The following OR9Q1 variants were observed in gnomAD, a reference collection of about 807,000 sequenced individuals.
The protein encoded by OR9Q1 is olfactory receptor family 9 subfamily Q member 1, also known as olfactory receptor 9Q1.
For missense variants in OR9Q1, 374 were observed against 378.8 expected, an observed-to-expected ratio of 0.99 and a Z score of 0.11; for synonymous variants, 153 against 148.6, an observed-to-expected ratio of 1.03 and a Z score of -0.22.
chr11:58,064,899 T>A (rs548391032), intron 2 of OR9Q1, among the ~76,000 whole-genome samples: 150 of 151,958 alleles, frequency 9.9e-4, no homozygotes, highest in Admixed American at 3.7e-3. Flanking sequence ...GGGAGAATTC[T>A]AGAGATTTAG....
intron 1 of OR9Q1, among the ~76,000 whole-genome samples, chr11:58,033,282 T>C (rs942916430): frequency 1.3e-5 from 2 of 151,746 alleles, no homozygotes; most frequent in African/African-American, 2.4e-5. Context: ...ATAATCGTTC[T>C]ATCAAAATGA....
intron 2 of OR9Q1, chr11:58,117,435 T>C (rs936789929): frequency 6.6e-6 from 1 of 152,162 alleles, no homozygotes; most frequent in Admixed American, 6.5e-5. Flanking sequence ...TTAAACTATG[T>C]TTTTCCCATT....
intron 2 of OR9Q1, among the ~76,000 whole-genome samples, chr11:58,170,089 G>T (rs1271153350): frequency 6.6e-6 from 1 of 152,048 alleles, no homozygotes; most frequent in Non-Finnish European, 1.5e-5. Context: ...ATGTTGCTTT[G>T]CTGCCATGGT....
chr11:58,070,973 T>A (rs1318677843), intron 2 of OR9Q1, among the ~76,000 whole-genome samples: 1 of 152,210 alleles, frequency 6.6e-6, no homozygotes, highest in Non-Finnish European at 1.5e-5. Flanking sequence ...AAGTCATGGG[T>A]TGATCTTGTC....
chr11:58,167,517 A>G (rs1590624464), intron 2 of OR9Q1, among the ~76,000 whole-genome samples: 1 of 152,164 alleles, frequency 6.6e-6, no homozygotes, highest in East Asian at 1.9e-4. Context: ...CTATTGCCAT[A>G]TTAACTTACT....
rs140578551 is a variant in OR9Q1, at chr11:58,179,989, C to T, written c.545C>T (p.Pro182Leu). The T allele has an allele frequency of 1.2e-4, 200 of 1,614,160 alleles. No individual in the cohort carries two copies. In the African/African-American group the frequency reaches 2.3e-3, roughly 18 times the overall value. The change falls in exon 3 of 3, where the codon CCT (proline) becomes CTT (leucine). Residue 182 changes from proline to leucine, a missense_variant. Coordinates refer to ENST00000335397, the MANE Select transcript of OR9Q1 (RefSeq NM_001005212.4). ...SEIDFIFCDL[P>L]PLLKLTCGES... ...ATTGACTTTATTTTCTGTGACCTCC[C>T]TCCTCTGTTAAAGTTGACCTGTGGG...
Position 58,031,430 on chromosome 11 carries a change from C to G in OR9Q1, c.-93+7326C>G, listed in dbSNP as rs747615226. 2.5e-6 allele frequency: 4 copies of G among 1,614,080 alleles called. No individual in the cohort carries two copies. In the Admixed American group the frequency reaches 5.0e-5, roughly 20 times the overall value. ...CTGTTGGCTGGTAGGTTTCCTCACA[C>G]CCATCTTGCCAATCTACCTCTTGTC... On this transcript the variant is annotated intron_variant, in intron 1 of 2. Coordinates refer to ENST00000335397, the MANE Select transcript of OR9Q1 (RefSeq NM_001005212.4).
At chr11:58,102,352 C>T (rs567424145) in intron 2 of OR9Q1, among the ~76,000 whole-genome samples, 1 of 152,064 alleles carries the variant, frequency 6.6e-6, no homozygotes, top group Admixed American at 6.6e-5. Flanking sequence ...TCTCCTTCTG[C>T]TCTTTCTGTG....
At chr11:58,069,365 G>A (rs1853464782) in intron 2 of OR9Q1, among the ~76,000 whole-genome samples, 1 of 152,140 alleles carries the variant, frequency 6.6e-6, no homozygotes, top group Non-Finnish European at 1.5e-5. Flanking sequence ...GACACCTGCA[G>A]TGTGCAAACC....
chr11:58,110,386 T>C (rs1853887707), intron 2 of OR9Q1, among the ~76,000 whole-genome samples: 1 of 152,180 alleles, frequency 6.6e-6, no homozygotes, highest in Admixed American at 6.6e-5. Context: ...TGCTCTCCTA[T>C]GAACTATGTC....
chr11:58,148,738 A>G (rs73482630), intron 2 of OR9Q1, among the ~76,000 whole-genome samples: 1 of 152,136 alleles, frequency 6.6e-6, no homozygotes, highest in Non-Finnish European at 1.5e-5. Flanking sequence ...TCAAACCTCA[A>G]ACTAAATTTT....
chr11:58,159,224 C>A (rs981724481), intron 2 of OR9Q1, among the ~76,000 whole-genome samples: 1 of 152,172 alleles, frequency 6.6e-6, no homozygotes, highest in Non-Finnish European at 1.5e-5. Flanking sequence ...TATGTGCTGG[C>A]AAATAAATTG....
At position 58,139,283 on chromosome 11, in the gene OR9Q1, GTT is replaced by G. The variant is rs11350123; in HGVS notation, c.-14-40137_-14-40136del. Among the ~76,000 whole-genome samples, 398 of 147,862 alleles carry G rather than the reference GTT, an allele frequency of 2.7e-3. 2 individuals carry two copies. Among genetic ancestry groups the G allele is most frequent in the South Asian group, 6.5e-3 (30 of 4,642 alleles). On this transcript the variant is annotated intron_variant, in intron 2 of 2. Coordinates refer to ENST00000335397, the MANE Select transcript of OR9Q1 (RefSeq NM_001005212.4). ...TAAGTTCAGGTGTTCATGTGCAGCT[GTT>G]TTTTTTTTTTATTATACTTTAAGTT...
chr11:58,039,315 C>T (rs979464850), intron 1 of OR9Q1, among the ~76,000 whole-genome samples: 6 of 152,182 alleles, frequency 3.9e-5, no homozygotes, highest in African/African-American at 1.2e-4. Flanking sequence ...CATATCCTTG[C>T]TTTCTTTGGT....
At position 58,100,063 on chromosome 11, in the gene OR9Q1, G is replaced by A. The variant is rs575190590; in HGVS notation, c.-15+44116G>A. 7.2e-5 allele frequency among the ~76,000 whole-genome samples: 11 copies of A among 152,248 alleles called. No individual in the cohort carries two copies. In the East Asian group the frequency reaches 2.1e-3, roughly 29 times the overall value. The stretch of plus-strand genomic sequence containing the variant: ...GTGTAGGCTGGTTACAAAGCTAGGT[G>A]GGCTGGGTTGGCTGGCTCTCCCACG... On this transcript the variant is annotated intron_variant, in intron 2 of 2. Coordinates refer to ENST00000335397, the MANE Select transcript of OR9Q1 (RefSeq NM_001005212.4).
At chr11:58,024,143 G>C (rs1400638477) in intron 1 of OR9Q1, 39 bp downstream of exon 1, 1 of 152,378 alleles carries the variant, frequency 6.6e-6, no homozygotes, top group Non-Finnish European at 1.5e-5. Flanking sequence ...CAGAGACGGT[G>C]CTGTTAACAC....
Position 58,056,533 on chromosome 11 carries a change from T to C in OR9Q1, c.-15+586T>C, listed in dbSNP as rs149040590. On this transcript the variant is annotated intron_variant, in intron 2 of 2. Transcript: ENST00000335397. Reference sequence around the variant, plus strand: ...TACTTTATGATATATGGAAAATACATGAAACTCCTATTTCAGTGTTCATAA... The same window carrying C: ...TACTTTATGATATATGGAAAATACACGAAACTCCTATTTCAGTGTTCATAA... Among the ~76,000 whole-genome samples, 959 of 152,338 alleles carry C rather than the reference T, an allele frequency of 6.3e-3. 8 individuals carry two copies. The highest frequency in any genetic ancestry group is 0.022 in the African/African-American group (923 of 41,580).
Position 58,095,017 on chromosome 11 carries a change from C to T in OR9Q1, c.-15+39070C>T, listed in dbSNP as rs376374864. 5.3e-5 allele frequency among the ~76,000 whole-genome samples: 8 copies of T among 152,342 alleles called. No individual in the cohort carries two copies. In the South Asian group the frequency reaches 1.7e-3, roughly 32 times the overall value. ...CAATTTTGTTGAGTAACATGCACTT[C>T]TATCTCTTGAGTTTACTGCTATTGA... is the stretch of plus-strand genomic sequence containing the variant. On this transcript the variant is annotated intron_variant, in intron 2 of 2. Transcript: ENST00000335397.
At chr11:58,056,905 A>G (rs1459111569) in intron 2 of OR9Q1, among the ~76,000 whole-genome samples, 2 of 151,274 alleles carry the variant, frequency 1.3e-5, no homozygotes, top group African/African-American at 4.9e-5. Flanking sequence ...TCCCTGTAGA[A>G]CTCTAAGGCT....
Sources: allele counts gnomAD v4.1 joint callset (sites outside exome capture counted in the v4.1 genomes callset), GRCh38; gene constraint gnomAD v4.1.1; transcripts MANE v1.5; gene names NCBI Gene and HGNC (gene_info 2026-07-23, HGNC 2026-07-21).